The following WDR41 variants were observed in gnomAD, a reference collection of about 807,000 sequenced individuals.
WDR41 encodes WD repeat-containing protein 41.
A neutral mutation model predicts 69.3 loss-of-function variants in WDR41; 63 were observed. The observed-to-expected ratio is 0.91, with a 90% CI of 0.74 to 1.12. The LOEUF is 1.12. WDR41 is among the 50% of genes most tolerant of loss of function. The pLI is 0.00. For missense variants in WDR41, 543 were observed against 534.5 expected (o/e 1.02, Z -0.16); for synonymous variants, 185 against 192.1 (o/e 0.96, Z 0.31).
At chr5:77,537,204 C>A (rs1236811683) in intron 1 of WDR41, among the ~76,000 whole-genome samples, 2 of 152,206 alleles carry the variant, frequency 1.3e-5, no homozygotes, top group African/African-American at 4.8e-5. Flanking sequence ...TCCATGAGAG[C>A]AACCACTGTT....
At chr5:77,617,876 A>G (rs900909377) in intron 1 of WDR41, among the ~76,000 whole-genome samples, 3 of 152,218 alleles carry the variant, frequency 2.0e-5, no homozygotes, top group African/African-American at 7.2e-5. Context: ...TTGCAAGCAA[A>G]TAACTACCCA....
intron 2 of WDR41, among the ~76,000 whole-genome samples, chr5:77,480,445 C>A (rs1418698605): frequency 1.3e-5 from 2 of 151,978 alleles, no homozygotes; most frequent in African/African-American, 4.8e-5. Context: ...CAATGATAGA[C>A]TGGATTAAGA....
At chr5:77,605,727 G>T (rs570415235) in intron 1 of WDR41, among the ~76,000 whole-genome samples, 1 of 152,176 alleles carries the variant, frequency 6.6e-6, no homozygotes, top group East Asian at 1.9e-4. Context: ...GGCCCTCGTG[G>T]TTCCTGCCCA....
intron 1 of WDR41, among the ~76,000 whole-genome samples, chr5:77,574,884 C>T (rs1239731023): frequency 6.6e-6 from 1 of 152,168 alleles, no homozygotes; most frequent in Non-Finnish European, 1.5e-5. Flanking sequence ...CTTCCTACAA[C>T]TTTGTCTAAA....
rs187168445 is a variant in WDR41 at position 77,576,346 on chromosome 5, C to T, written c.42+44133G>A. The stretch of plus-strand genomic sequence containing the variant: ...CCTTCTAACTATTGTCTTATCTCTG[C>T]TTCCTTTCACATTAAGTTCCTCAAA... On this transcript the variant is annotated intron_variant, in intron 1 of 5. Transcript: ENST00000509971. Among the ~76,000 whole-genome samples, 1,119 of 152,216 alleles carry T rather than the reference C, an allele frequency of 7.4e-3. 8 individuals carry two copies. Among genetic ancestry groups the T allele is most frequent in the Non-Finnish European group, 0.013 (875 of 68,004 alleles).
chr5:77,448,073 G>T (rs999082126), intron 8 of WDR41, among the ~76,000 whole-genome samples: 4 of 152,156 alleles, frequency 2.6e-5, no homozygotes. Context: ...ATGCCATGAA[G>T]TTCAGGCTAT....
rs1798796286 is a variant in WDR41, at chr5:77,433,224, AC to A, written c.1290del (p.Leu430PhefsTer14). 1 of 1,614,046 alleles carries A rather than the reference AC, an allele frequency of 6.2e-7. No individual in the cohort carries two copies. Among genetic ancestry groups the A allele is most frequent in the East Asian group, 2.2e-5 (1 of 44,862 alleles). ...VTCSADHLII[L>X]WKNGERESGL... ...CCAGATTCTCGCTCTCCATTTTTCC[AC>A]AAAATAATGAGATGATCAGCGGAGC... On this transcript the variant is annotated frameshift_variant, in exon 13 of 13. Coordinates refer to ENST00000296679, the MANE Select transcript of WDR41 (RefSeq NM_018268.4). LOFTEE classifies it high-confidence loss of function.
In WDR41 at chr5:77,508,009, A is replaced by C. The variant is rs528611921; in HGVS notation, c.43-18437T>G. Among the ~76,000 whole-genome samples the C allele has an allele frequency of 1.2e-4, 19 of 152,148 alleles. No individual in the cohort carries two copies. In the East Asian group the frequency reaches 3.5e-3, roughly 28 times the overall value. On this transcript the variant is annotated intron_variant, in intron 1 of 5. Coordinates refer to the WDR41 transcript ENST00000509971. ...TGTTCTCAAGTATACTGATTCTTTCAGCCAGTTCAAATCTACTGAGCCTCT... is the reference window on the plus strand; with the variant it reads ...TGTTCTCAAGTATACTGATTCTTTCCGCCAGTTCAAATCTACTGAGCCTCT...
intron 3 of WDR41, 44 bp downstream of exon 3, chr5:77,464,717 T>A: frequency 6.3e-7 from 1 of 1,587,510 alleles, no homozygotes; most frequent in East Asian, 2.2e-5. Context: ...CTCAACTACA[T>A]CATCATATCT....
chr5:77,578,996 A>C (rs1270818113), intron 1 of WDR41, among the ~76,000 whole-genome samples: 1 of 152,064 alleles, frequency 6.6e-6, no homozygotes, highest in Non-Finnish European at 1.5e-5. Flanking sequence ...AAAGTATAAT[A>C]AAAGAAAATT....
Position 77,492,229 on chromosome 5 carries a change from C to T in WDR41, c.-9G>A. ...ATCAGCCATCGCAACATCCGGGCAG[C>T]GGCGGCGTCTTGCCCGGTCCAGCCC... On this transcript the variant is annotated 5_prime_UTR_variant, in exon 1 of 13. Coordinates refer to ENST00000296679, the MANE Select transcript of WDR41 (RefSeq NM_018268.4). 1.2e-6 allele frequency: 2 copies of T among 1,612,510 alleles called. No homozygotes were observed. Among genetic ancestry groups the T allele is most frequent in the Non-Finnish European group, 1.7e-6 (2 of 1,179,580 alleles).
At chr5:77,580,737 C>T (rs1352325935) in intron 1 of WDR41, among the ~76,000 whole-genome samples, 1 of 151,942 alleles carries the variant, frequency 6.6e-6, no homozygotes, top group African/African-American at 2.4e-5. Context: ...GGGCAGATCA[C>T]GAGGTCAGGA....
At chr5:77,590,930 T>C (rs1458153950) in intron 1 of WDR41, among the ~76,000 whole-genome samples, 2 of 152,194 alleles carry the variant, frequency 1.3e-5, no homozygotes, top group Non-Finnish European at 2.9e-5. Flanking sequence ...GAAAAGTTTA[T>C]GTAAGACTTG....
At chr5:77,607,338 C>T (rs183150552) in intron 1 of WDR41, among the ~76,000 whole-genome samples, 3 of 152,062 alleles carry the variant, frequency 2.0e-5, no homozygotes, top group South Asian at 4.1e-4. Context: ...AGATGTGAGA[C>T]AGAAGAAGAA....
At chr5:77,549,719 T>C (rs1468977625) in intron 1 of WDR41, among the ~76,000 whole-genome samples, 2 of 152,172 alleles carry the variant, frequency 1.3e-5, no homozygotes, top group Non-Finnish European at 2.9e-5. Flanking sequence ...AATTCAACAC[T>C]ATTCCTATCA....
At chr5:77,514,465 G>A (rs764997347) in intron 1 of WDR41, among the ~76,000 whole-genome samples, 3 of 152,068 alleles carry the variant, frequency 2.0e-5, no homozygotes, top group Admixed American at 6.6e-5. Context: ...TTCCTATACA[G>A]CAATAACCAG....
intron 1 of WDR41, among the ~76,000 whole-genome samples, chr5:77,541,748 C>T (rs1442030904): frequency 6.6e-6 from 1 of 152,104 alleles, no homozygotes; most frequent in Non-Finnish European, 1.5e-5. Context: ...CTGCCTTGGC[C>T]TCCCAAAGTG....
At chr5:77,500,392 A>T (rs1802000229) in intron 1 of WDR41, among the ~76,000 whole-genome samples, 1 of 152,186 alleles carries the variant, frequency 6.6e-6, no homozygotes, top group South Asian at 2.1e-4. Context: ...TAAAACCAAA[A>T]GCTGGTGTTT....
chr5:77,483,481 C>CGTGTGTGT (rs35574463), intron 2 of WDR41, among the ~76,000 whole-genome samples: 3 of 143,356 alleles, frequency 2.1e-5, no homozygotes, highest in Admixed American at 1.4e-4. Context: ...CCTGAATACT[C>CGTGTGTGT]GTGTGTGTGT....
Sources: allele counts gnomAD v4.1 joint callset (sites outside exome capture counted in the v4.1 genomes callset), GRCh38; gene constraint gnomAD v4.1.1; transcripts MANE v1.5; gene names NCBI Gene and HGNC (gene_info 2026-07-23, HGNC 2026-07-21).